The following AUTS2 variants were observed in gnomAD, a reference collection of about 807,000 sequenced individuals.
The protein encoded by AUTS2 is activator of transcription and developmental regulator AUTS2.
A neutral mutation model predicts 112.4 loss-of-function variants in AUTS2; 17 were observed. The observed-to-expected ratio is 0.15, with a 90% CI of 0.10 to 0.23. The LOEUF is 0.23. AUTS2 is among the 10% of genes least tolerant of loss of function. The pLI, the probability that AUTS2 is intolerant of heterozygous loss-of-function variation, is 1.00. For missense variants in AUTS2, 1,510 were observed against 1,701.6 expected (o/e 0.89, Z 1.98); for synonymous variants, 751 against 702.7 (o/e 1.07, Z -1.09).
At chr7:70,709,123 T>C (rs1325516532) in intron 6 of AUTS2, among the ~76,000 whole-genome samples, 1 of 151,814 alleles carries the variant, frequency 6.6e-6, no homozygotes, top group Admixed American at 6.6e-5. Flanking sequence ...TTCACCATGT[T>C]GGCCAGGCTG....
At chr7:70,080,687 G>T (rs890794948) in intron 2 of AUTS2, among the ~76,000 whole-genome samples, 2 of 152,182 alleles carry the variant, frequency 1.3e-5, no homozygotes, top group Non-Finnish European at 2.9e-5. Context: ...AAATGAGAAT[G>T]TAGCTCTGTG....
intron 1 of AUTS2, among the ~76,000 whole-genome samples, chr7:69,810,193 G>A (rs1355913921): frequency 6.6e-6 from 1 of 152,090 alleles, no homozygotes; most frequent in Non-Finnish European, 1.5e-5. Flanking sequence ...CCACATAACA[G>A]CGGCTAAGAG....
intron 5 of AUTS2, among the ~76,000 whole-genome samples, chr7:70,676,745 C>G (rs12671649): frequency 0.092 from 13,921 of 152,048 alleles, 898 homozygotes; most frequent in East Asian, 0.33. Flanking sequence ...GGCGTGGTGG[C>G]ATGCACCCAT....
chr7:69,927,000 G>A (rs980602281), intron 2 of AUTS2, among the ~76,000 whole-genome samples: 1 of 145,238 alleles, frequency 6.9e-6, no homozygotes, highest in East Asian at 2.0e-4. Context: ...AAAGCACCAC[G>A]AAAAACAAGG....
chr7:69,898,844 C>T (rs1794856672), intron 1 of AUTS2, among the ~76,000 whole-genome samples: 2 of 152,170 alleles, frequency 1.3e-5, no homozygotes, highest in Admixed American at 1.3e-4. Flanking sequence ...CCACCTGGAC[C>T]TGATAAATTC....
chr7:70,086,683 A>G (rs1056923258), intron 2 of AUTS2, among the ~76,000 whole-genome samples: 5 of 151,996 alleles, frequency 3.3e-5, no homozygotes, highest in Non-Finnish European at 7.4e-5. Flanking sequence ...TCAGGTTACA[A>G]ATATTTCACA....
intron 5 of AUTS2, among the ~76,000 whole-genome samples, chr7:70,585,523 G>A (rs1053221257): frequency 6.6e-5 from 10 of 152,282 alleles, no homozygotes; most frequent in South Asian, 2.1e-4. Flanking sequence ...ATGTTGCAAC[G>A]TAAGAGGCTT....
intron 5 of AUTS2, among the ~76,000 whole-genome samples, chr7:70,503,545 TTCTC>T (rs1330460820): frequency 1.4e-5 from 2 of 140,962 alleles, no homozygotes; most frequent in African/African-American, 2.7e-5. Context: ...TTGAGATAGA[TTCTC>T]TCTCTGTTGT....
chr7:69,637,755 A>T (rs1009162814), intron 1 of AUTS2, among the ~76,000 whole-genome samples: 7 of 152,132 alleles, frequency 4.6e-5, no homozygotes, highest in African/African-American at 1.7e-4. Flanking sequence ...AGGCAGTGAA[A>T]CCCAAGACTG....
chr7:70,071,917 C>T lies in AUTS2; in HGVS notation c.523-46215C>T, dbSNP rs559724352. 2.6e-3 allele frequency among the ~76,000 whole-genome samples: 392 copies of T among 152,200 alleles called. 1 individual carries two copies. The highest frequency in any genetic ancestry group is 0.01 in the Middle Eastern group (3 of 294). On this transcript the variant is annotated intron_variant, in intron 2 of 18. Transcript: ENST00000342771. Reference sequence around the variant, plus strand: ...ACCCATGAGAGTGGAGAATATTGATCGCTTGTCACTCAAGGCATTCAGCAG... The same window carrying T: ...ACCCATGAGAGTGGAGAATATTGATTGCTTGTCACTCAAGGCATTCAGCAG...
Position 70,787,211 on chromosome 7 carries a change from C to T in AUTS2, c.2311C>T (p.Pro771Ser). The T allele has an allele frequency of 2.5e-6, 4 of 1,614,160 alleles. No homozygotes were observed. Among genetic ancestry groups the T allele is most frequent in the Non-Finnish European group, 3.4e-6 (4 of 1,179,994 alleles). Residue 771 changes from proline (P) to serine (S), a missense_variant and splice_region_variant, in exon 18 of 19, where the codon CCC becomes TCC. Transcript: ENST00000342771. ...FGGLGNPSVT[P>S]NSMFGHKDGP... is the part of the protein sequence containing the mutation. ...TGTTCTCCACTTCACCATTTCAGCA[C>T]CCAACTCAATGTTCGGCCACAAGGA... is the stretch of plus-strand genomic sequence containing the variant.
intron 5 of AUTS2, among the ~76,000 whole-genome samples, chr7:70,540,087 G>A (rs1800488343): frequency 6.6e-6 from 1 of 152,074 alleles, no homozygotes; most frequent in African/African-American, 2.4e-5. Flanking sequence ...TAGCCTCAGG[G>A]AAAAGGAGCT....
chr7:70,784,841 T>G, intron 15 of AUTS2, 101 bp from the exon 16 acceptor site: 2 of 1,018,130 alleles, frequency 2.0e-6, no homozygotes, highest in Admixed American at 3.9e-5. Context: ...TGACCTCCCT[T>G]GAACATATTT....
At chr7:70,257,943 G>A (rs1335358752) in intron 4 of AUTS2, among the ~76,000 whole-genome samples, 1 of 152,200 alleles carries the variant, frequency 6.6e-6, no homozygotes, top group Non-Finnish European at 1.5e-5. Context: ...GGTGGGCTCT[G>A]GTCCAACTCC....
intron 5 of AUTS2, among the ~76,000 whole-genome samples, chr7:70,459,906 G>A (rs1796893306): frequency 6.6e-6 from 1 of 152,158 alleles, no homozygotes; most frequent in South Asian, 2.1e-4. Flanking sequence ...CCAGCCCTCA[G>A]TGTGCCCTCA....
intron 2 of AUTS2, among the ~76,000 whole-genome samples, chr7:70,054,090 C>T (rs542998795): frequency 2.0e-5 from 3 of 152,280 alleles, no homozygotes; most frequent in African/African-American, 7.2e-5. Context: ...GTGCACTATT[C>T]AATTCGGTAG....
chr7:70,129,484 C>T (rs1036370728), intron 3 of AUTS2, among the ~76,000 whole-genome samples: 4 of 152,152 alleles, frequency 2.6e-5, no homozygotes, highest in East Asian at 1.9e-4. Context: ...CTGGGCACCC[C>T]GTGGCCCAGT....
In AUTS2 at chr7:70,432,934, C is replaced by T. The variant is rs370439221; in HGVS notation, c.661-2818C>T. On this transcript the variant is annotated intron_variant, in intron 4 of 18. Transcript: ENST00000342771. The stretch of plus-strand genomic sequence containing the variant: ...GCAGAGACTGTTTTGGCAGACTCCA[C>T]GACTGGCCTTGTCGAGGAGCTGTCA... Among the ~76,000 whole-genome samples, 20 of 152,270 alleles carry T rather than the reference C, an allele frequency of 1.3e-4. No homozygotes were observed. The East Asian group carries it at 3.1e-3, about 24-fold the overall frequency.
At chr7:70,486,885 T>C (rs1798025867) in intron 5 of AUTS2, among the ~76,000 whole-genome samples, 3 of 143,104 alleles carry the variant, frequency 2.1e-5, no homozygotes, top group Non-Finnish European at 4.5e-5. Context: ...GTTTGTTTTG[T>C]TGTTTTTGTA....
Sources: gnomAD v4.1 joint callset for allele counts (sites outside exome capture counted in the v4.1 genomes callset) on GRCh38, gnomAD v4.1.1 for gene constraint, MANE v1.5 for transcripts, NCBI Gene and HGNC (gene_info 2026-07-23, HGNC 2026-07-21) for gene names.